SLC9C2: variants seen among roughly 807,000 people sequenced by gnomAD.
SLC9C2 encodes the protein solute carrier family 9 member C2 (putative).
SLC9C2 carries 75 observed loss-of-function variants against 140.2 expected under a neutral mutation model. The observed-to-expected ratio is 0.53, with a 90% CI of 0.44 to 0.65. The LOEUF (loss-of-function observed/expected upper bound fraction) is 0.65. Ranked by LOEUF, SLC9C2 falls within the 30% of genes least tolerant of loss-of-function variation. The pLI is 0.00. For missense variants in SLC9C2, 1,074 were observed against 1,331.8 expected (o/e 0.81, Z 3.01); for synonymous variants, 375 against 420.9 (o/e 0.89, Z 1.34).
chr1:173,543,332 C>G (rs1055046798), intron 13 of SLC9C2, among the ~76,000 whole-genome samples: 1 of 152,128 alleles, frequency 6.6e-6, no homozygotes, highest in Non-Finnish European at 1.5e-5. Flanking sequence ...GAACTACAAA[C>G]CACTGCTCAA....
chr1:173,570,627 T>C (rs894392034), intron 9 of SLC9C2, among the ~76,000 whole-genome samples: 3 of 152,158 alleles, frequency 2.0e-5, no homozygotes, highest in Non-Finnish European at 4.4e-5. Context: ...TGCCTAAGAA[T>C]TGCAGTCCTT....
At chr1:173,531,719 C>T (rs529731233) in intron 17 of SLC9C2, among the ~76,000 whole-genome samples, 7 of 152,170 alleles carry the variant, frequency 4.6e-5, no homozygotes, top group Non-Finnish European at 5.9e-5. Context: ...TTTACTGCGG[C>T]GCCGCCAGCC....
chr1:173,532,944 T>C (rs1661688473), intron 17 of SLC9C2, among the ~76,000 whole-genome samples: 1 of 152,058 alleles, frequency 6.6e-6, no homozygotes, highest in Non-Finnish European at 1.5e-5. Flanking sequence ...GTACATACAA[T>C]ATACAGTAAA....
At chr1:173,589,905 A>G (rs1208057452) in intron 4 of SLC9C2, among the ~76,000 whole-genome samples, 3 of 152,190 alleles carry the variant, frequency 2.0e-5, no homozygotes, top group African/African-American at 7.2e-5. Context: ...ATTTAAAATC[A>G]TGGAGAATAT....
At chr1:173,511,360 T>C (rs113417699) in intron 23 of SLC9C2, among the ~76,000 whole-genome samples, 3,013 of 152,254 alleles carry the variant, frequency 0.02, 100 homozygotes, top group African/African-American at 0.068. Flanking sequence ...ATTGCCATTC[T>C]GACTGGTGTG....
intron 11 of SLC9C2, among the ~76,000 whole-genome samples, chr1:173,549,075 G>A (rs893466726): frequency 5.3e-5 from 8 of 152,150 alleles, no homozygotes; most frequent in African/African-American, 1.7e-4. Flanking sequence ...AAAATTTGAA[G>A]CATTTTGTAT....
chr1:173,581,893 A>T lies in SLC9C2; in HGVS notation c.756T>A (p.Thr252=). The change falls in exon 7 of 28, where the codon ACT becomes ACA. Residue 252 remains threonine (T), a synonymous_variant. Coordinates refer to ENST00000367714, the MANE Select transcript of SLC9C2 (RefSeq NM_178527.4). ...ILADVFSNML[T]NIILCFSMVY... is the part of the protein sequence containing the mutation. ...CCATTGAAAAGCAGAGAATGATATT[A>T]GTCAGCATATTGCTAAAAACGTCAG... 1.2e-6 allele frequency: 2 copies of T among 1,605,138 alleles called. No homozygotes were observed. The highest frequency in any genetic ancestry group is 1.3e-5 in the African/African-American group (1 of 74,952).
In SLC9C2 at chr1:173,593,506, T is replaced by C. The variant is rs547670553; in HGVS notation, c.357+4398A>G. On this transcript the variant is annotated intron_variant, in intron 4 of 27. Coordinates refer to ENST00000367714, the MANE Select transcript of SLC9C2 (RefSeq NM_178527.4). ...CTGCACTCTAGCCTGGGCAGTAGAG[T>C]GAGACTCTGTCTCAAAATAATAATA... Among the ~76,000 whole-genome samples, 32 of 152,162 alleles carry C rather than the reference T, an allele frequency of 2.1e-4. 1 individual carries two copies. In the South Asian group the frequency reaches 6.4e-3, roughly 31 times the overall value.
chr1:173,538,552 G>A (rs1230397007), intron 13 of SLC9C2, among the ~76,000 whole-genome samples: 1 of 151,962 alleles, frequency 6.6e-6, no homozygotes, highest in African/African-American at 2.4e-5. Flanking sequence ...ATGCTTATAT[G>A]ATAAAACAGG....
Position 173,587,717 on chromosome 1 carries a change from G to T in SLC9C2, c.471C>A (p.Ile157=). ...GAAGAGGATCTATAATGCCAAGGGT[G>T]ATGCTAAAGAGTAGGCAAGATTGCA... is the stretch of plus-strand genomic sequence containing the variant. ...WDLQSCLLFS[I]TLGIIDPLRS... is the part of the protein sequence containing the mutation. The change falls in exon 5 of 28, where the codon ATC becomes ATA. Residue 157 remains isoleucine, a synonymous_variant. Coordinates refer to ENST00000367714, the MANE Select transcript of SLC9C2 (RefSeq NM_178527.4). 6.2e-7 allele frequency: 1 copy of T among 1,613,566 alleles called. No individual in the cohort carries two copies. Among genetic ancestry groups the T allele is most frequent in the Non-Finnish European group, 8.5e-7 (1 of 1,179,750 alleles).
chr1:173,570,993 T>A (rs1397430352), intron 9 of SLC9C2, among the ~76,000 whole-genome samples: 1 of 152,194 alleles, frequency 6.6e-6, no homozygotes, highest in Non-Finnish European at 1.5e-5. Flanking sequence ...AATTTTAAAG[T>A]AGGTACTGTG....
At chr1:173,512,566 G>T (rs1410007622) in intron 23 of SLC9C2, among the ~76,000 whole-genome samples, 1 of 152,262 alleles carries the variant, frequency 6.6e-6, no homozygotes, top group East Asian at 1.9e-4. Flanking sequence ...AGACAATGGG[G>T]TTTTCTAAAT....
At chr1:173,544,272 G>T (rs921070631) in intron 13 of SLC9C2, among the ~76,000 whole-genome samples, 1 of 152,164 alleles carries the variant, frequency 6.6e-6, no homozygotes, top group Non-Finnish European at 1.5e-5. Flanking sequence ...CATCATCATT[G>T]GTCATCAGAA....
intron 5 of SLC9C2, among the ~76,000 whole-genome samples, chr1:173,584,397 G>A (rs986671290): frequency 5.9e-5 from 9 of 152,064 alleles, no homozygotes; most frequent in African/African-American, 2.2e-4. Flanking sequence ...TTTTCTTTCT[G>A]CCTAGAAGAC....
At chr1:173,546,319 G>A (rs1359968670) in intron 13 of SLC9C2, among the ~76,000 whole-genome samples, 1 of 152,216 alleles carries the variant, frequency 6.6e-6, no homozygotes, top group Non-Finnish European at 1.5e-5. Context: ...GATCACTTGA[G>A]GCCAGAAGTT....
In SLC9C2 at chr1:173,500,830, T is replaced by C; in HGVS notation, c.*264A>G. ...AAACAGGGTTTCATTTGGTAGGACA[T>C]ATGTTTCAGTGTATTTTATATTATC... is the stretch of plus-strand genomic sequence containing the variant. On this transcript the variant is annotated 3_prime_UTR_variant, in exon 28 of 28. Coordinates refer to ENST00000367714, the MANE Select transcript of SLC9C2 (RefSeq NM_178527.4). 4.0e-6 allele frequency: 1 copy of C among 252,570 alleles called. No individual in the cohort carries two copies. The highest frequency in any genetic ancestry group is 7.5e-6 in the Non-Finnish European group (1 of 133,696). 15.6% of individuals were successfully genotyped at this position (252,570 alleles called of 1,614,324 possible). A position where few individuals can be genotyped will look rare whatever the true frequency, so the allele number is the denominator to read the frequency against.
chr1:173,548,769 T>C (rs1663047768), intron 11 of SLC9C2, among the ~76,000 whole-genome samples: 1 of 151,976 alleles, frequency 6.6e-6, no homozygotes, highest in South Asian at 2.1e-4. Flanking sequence ...ACTCAACTGA[T>C]AAAAAATGTT....
intron 4 of SLC9C2, among the ~76,000 whole-genome samples, chr1:173,594,000 AC>A (rs1446674837): frequency 6.6e-6 from 1 of 152,218 alleles, no homozygotes; most frequent in Non-Finnish European, 1.5e-5. Flanking sequence ...TGTACAGAAC[AC>A]CAAAGAAAAA....
chr1:173,545,966 G>T (rs917136342), intron 13 of SLC9C2, among the ~76,000 whole-genome samples: 2 of 152,100 alleles, frequency 1.3e-5, no homozygotes, highest in African/African-American at 4.8e-5. Flanking sequence ...CATTCGGAGT[G>T]GGAAAAAGGT....
Sources: allele counts gnomAD v4.1 joint callset (sites outside exome capture counted in the v4.1 genomes callset), GRCh38; gene constraint gnomAD v4.1.1; transcripts MANE v1.5; gene names NCBI Gene and HGNC (gene_info 2026-07-23, HGNC 2026-07-21).